The following CACNA2D3 variants were observed in gnomAD, a reference collection of about 807,000 sequenced individuals.
The protein encoded by CACNA2D3 is voltage-dependent calcium channel subunit alpha-2/delta-3.
In CACNA2D3, 60 loss-of-function variants were observed where a neutral mutation model predicts 160.6. That is an observed-to-expected ratio of 0.37 (90% CI 0.30 to 0.46). CACNA2D3 has a LOEUF of 0.46. CACNA2D3 is among the 20% of genes least tolerant of loss of function. The probability of loss-of-function intolerance (pLI) is 1.00; values close to 1 mark genes in which losing one functional copy is unlikely to be tolerated. For synonymous variants in CACNA2D3, 558 were observed against 492.9 expected (o/e 1.13, Z -1.75); for missense variants, 1,205 against 1,365.0 (o/e 0.88, Z 1.85).
intron 14 of CACNA2D3, among the ~76,000 whole-genome samples, chr3:54,834,330 A>C (rs1008282642): frequency 7.2e-5 from 11 of 152,216 alleles, no homozygotes; most frequent in Admixed American, 6.5e-5. Flanking sequence ...GATCAGCTCA[A>C]ATCAGTTTTC....
chr3:54,586,826 A>G (rs1331270523), intron 9 of CACNA2D3, among the ~76,000 whole-genome samples: 1 of 152,190 alleles, frequency 6.6e-6, no homozygotes, highest in Non-Finnish European at 1.5e-5. Flanking sequence ...ATAATTTTTG[A>G]TGAAAATGGA....
intron 2 of CACNA2D3, among the ~76,000 whole-genome samples, chr3:54,177,302 T>C (rs1285876642): frequency 6.6e-6 from 1 of 152,174 alleles, no homozygotes; most frequent in Non-Finnish European, 1.5e-5. Flanking sequence ...TTCCGGGTTT[T>C]TTATCTGTGG....
chr3:54,763,516 A>T (rs1214346927), intron 12 of CACNA2D3, among the ~76,000 whole-genome samples: 1 of 151,662 alleles, frequency 6.6e-6, no homozygotes, highest in African/African-American at 2.4e-5. Context: ...TTTCCCTTGG[A>T]AATAGACTCA....
At chr3:54,521,202 A>G (rs987695903) in intron 5 of CACNA2D3, among the ~76,000 whole-genome samples, 3 of 152,180 alleles carry the variant, frequency 2.0e-5, no homozygotes, top group African/African-American at 7.2e-5. Context: ...ATCATTTTTG[A>G]TTCTCACCAG....
chr3:54,342,299 A>C (rs1698372279), intron 3 of CACNA2D3, among the ~76,000 whole-genome samples: 1 of 152,202 alleles, frequency 6.6e-6, no homozygotes, highest in African/African-American at 2.4e-5. Context: ...AAAGATGAGT[A>C]AGGCAGCTTC....
chr3:54,150,200 C>T (rs1439928046), intron 2 of CACNA2D3, among the ~76,000 whole-genome samples: 3 of 151,840 alleles, frequency 2.0e-5, no homozygotes, highest in Non-Finnish European at 2.9e-5. Context: ...ATGAAAAACC[C>T]CTAGAACTCC....
chr3:54,975,552 G>A (rs1205268247), intron 29 of CACNA2D3, among the ~76,000 whole-genome samples: 3 of 147,420 alleles, frequency 2.0e-5, no homozygotes, highest in African/African-American at 7.5e-5. Context: ...AAAAAACAAC[G>A]TGGCCCCCTT....
chr3:54,227,943 T>A (rs1701704930), intron 2 of CACNA2D3, among the ~76,000 whole-genome samples: 1 of 152,196 alleles, frequency 6.6e-6, no homozygotes, highest in South Asian at 2.1e-4. Context: ...GAAGCAGAAC[T>A]GACTTGCATT....
intron 4 of CACNA2D3, among the ~76,000 whole-genome samples, chr3:54,433,890 C>T (rs749587938): frequency 6.6e-6 from 1 of 152,200 alleles, no homozygotes; most frequent in Non-Finnish European, 1.5e-5. Flanking sequence ...AATGGAAATA[C>T]TAATTATCCA....
chr3:54,695,278 A>G (rs1700644229), intron 11 of CACNA2D3, among the ~76,000 whole-genome samples: 1 of 152,160 alleles, frequency 6.6e-6, no homozygotes, highest in Admixed American at 6.5e-5. Context: ...ACAGCCTCCC[A>G]AAGTACTGGT....
intron 11 of CACNA2D3, among the ~76,000 whole-genome samples, chr3:54,736,059 A>ATG (rs1559563626): frequency 2.2e-5 from 1 of 45,836 alleles, no homozygotes; most frequent in African/African-American, 7.0e-5. Context: ...ATACATATGT[A>ATG]TGTATATATA....
At chr3:54,532,507 G>T (rs2106643288) in intron 5 of CACNA2D3, among the ~76,000 whole-genome samples, 1 of 152,306 alleles carries the variant, frequency 6.6e-6, no homozygotes, top group South Asian at 2.1e-4. Context: ...CTATGTCCAT[G>T]TGTACGCATC....
In CACNA2D3 at chr3:54,772,130, G is replaced by A. The variant is rs1453941142; in HGVS notation, c.1380+7779G>A. On this transcript the variant is annotated intron_variant, in intron 13 of 37. Transcript: ENST00000474759. ...ATTATTTCTACTAAATACTAAGGGA[G>A]TAGGTAAGTATTTGTTGATTATCTA... 2.0e-5 allele frequency among the ~76,000 whole-genome samples: 3 copies of A among 149,788 alleles called. No homozygotes were observed. In the South Asian group the frequency reaches 6.5e-4, roughly 33 times the overall value.
At position 54,590,999 on chromosome 3, in the gene CACNA2D3, A is replaced by G. The variant is rs528112382; in HGVS notation, c.963+9122A>G. On this transcript the variant is annotated intron_variant, in intron 9 of 37. Coordinates refer to ENST00000474759, the MANE Select transcript of CACNA2D3 (RefSeq NM_018398.3). ...TTTTATTTGGAGAAAAGCTCAGACG[A>G]CAAAGCATTTTTTTTATTAGTATTT... 9.8e-5 allele frequency among the ~76,000 whole-genome samples: 15 copies of G among 152,300 alleles called. 1 individual carries two copies. The South Asian group carries it at 2.3e-3, about 23-fold the overall frequency.
At chr3:54,854,213 C>A (rs1699118887) in intron 17 of CACNA2D3, among the ~76,000 whole-genome samples, 1 of 152,126 alleles carries the variant, frequency 6.6e-6, no homozygotes, top group Non-Finnish European at 1.5e-5. Context: ...CTGTGTGACC[C>A]CACGTAGCGA....
intron 5 of CACNA2D3, among the ~76,000 whole-genome samples, chr3:54,555,246 T>C (rs1702225497): frequency 6.6e-6 from 1 of 152,230 alleles, no homozygotes; most frequent in Non-Finnish European, 1.5e-5. Flanking sequence ...CTTTTGTATG[T>C]GCCAGTTGCT....
intron 31 of CACNA2D3, among the ~76,000 whole-genome samples, chr3:54,989,364 A>G (rs2107111557): frequency 6.6e-6 from 1 of 152,210 alleles, no homozygotes; most frequent in African/African-American, 2.4e-5. Flanking sequence ...TGAATCTAGA[A>G]CTTCCTTTTA....
chr3:54,489,136 G>A (rs111890467), intron 4 of CACNA2D3, among the ~76,000 whole-genome samples: 15 of 152,250 alleles, frequency 9.9e-5, no homozygotes, highest in African/African-American at 3.6e-4. Flanking sequence ...GCCAGAGTGA[G>A]CAGGGCCTCA....
At chr3:54,864,895 C>T (rs1283076122) in intron 17 of CACNA2D3, among the ~76,000 whole-genome samples, 1 of 152,170 alleles carries the variant, frequency 6.6e-6, no homozygotes, top group Non-Finnish European at 1.5e-5. Context: ...CGTGACCTGC[C>T]TTTCCTGGGT....
Sources: allele counts gnomAD v4.1 joint callset (sites outside exome capture counted in the v4.1 genomes callset), GRCh38; gene constraint gnomAD v4.1.1; transcripts MANE v1.5; gene names NCBI Gene and HGNC (gene_info 2026-07-23, HGNC 2026-07-21).